The following KCNIP3 variants were observed in gnomAD, a reference collection of about 807,000 sequenced individuals.
KCNIP3 encodes calsenilin.
In KCNIP3, 28 loss-of-function variants were observed where a neutral mutation model predicts 35.0. The observed-to-expected ratio is 0.80, with a 90% CI of 0.59 to 1.10. The LOEUF (loss-of-function observed/expected upper bound fraction) is 1.10. Among genes scored for constraint, KCNIP3 ranks in the 50% least tolerant of loss-of-function variants. The pLI is 0.00. For missense variants in KCNIP3, 295 were observed against 338.4 expected (o/e 0.87, Z 1.01); for synonymous variants, 134 against 133.8 (o/e 1.00, Z -0.01).
chr2:95,303,433 G>A (rs1678088146), intron 1 of KCNIP3: 1 of 152,332 alleles, frequency 6.6e-6, no homozygotes, highest in South Asian at 2.1e-4. Context: ...GAAGGCATGG[G>A]GGACAGCCCT....
intron 1 of KCNIP3, among the ~76,000 whole-genome samples, chr2:95,305,387 C>T (rs1442373811): frequency 6.6e-6 from 1 of 152,178 alleles, no homozygotes; most frequent in Non-Finnish European, 1.5e-5. Flanking sequence ...AAAGAGGGCC[C>T]ATGTACACTT....
At chr2:95,330,627 G>A (rs901075350) in intron 2 of KCNIP3, among the ~76,000 whole-genome samples, 8 of 152,232 alleles carry the variant, frequency 5.3e-5, no homozygotes, top group African/African-American at 1.9e-4. Flanking sequence ...CAGGCACACA[G>A]TCACTAGAAC....
At chr2:95,369,884 G>T (rs956328405) in intron 2 of KCNIP3, among the ~76,000 whole-genome samples, 1 of 152,144 alleles carries the variant, frequency 6.6e-6, no homozygotes, top group African/African-American at 2.4e-5. Flanking sequence ...TCAGCCTCTG[G>T]TGCTGGGATT....
chr2:95,299,465 C>T (rs530780328), intron 1 of KCNIP3, among the ~76,000 whole-genome samples: 28 of 152,314 alleles, frequency 1.8e-4, no homozygotes, highest in African/African-American at 5.8e-4. Flanking sequence ...CTGCCCGGCT[C>T]CCTAGCCTAC....
At chr2:95,341,971 T>C (rs1440787511) in intron 2 of KCNIP3, among the ~76,000 whole-genome samples, 1 of 152,036 alleles carries the variant, frequency 6.6e-6, no homozygotes, top group Non-Finnish European at 1.5e-5. Context: ...AGACTGATGA[T>C]GGAGGAGATC....
chr2:95,324,828 T>G (rs1338967343), intron 2 of KCNIP3, among the ~76,000 whole-genome samples: 1 of 151,848 alleles, frequency 6.6e-6, no homozygotes, highest in African/African-American at 2.4e-5. Context: ...GAAGAATGGC[T>G]TGAACCTGGG....
At position 95,316,097 on chromosome 2, in the gene KCNIP3, T is replaced by C. The variant is rs772341362; in HGVS notation, c.181+5577T>C. 1.6e-4 allele frequency among the ~76,000 whole-genome samples: 24 copies of C among 152,266 alleles called. 1 individual carries two copies. The highest frequency in any genetic ancestry group is 3.1e-4 in the Non-Finnish European group (21 of 68,052). On this transcript the variant is annotated intron_variant, in intron 2 of 8. Transcript: ENST00000295225. ...AGCTGAATGCCAACAGGAGAGATTT[T>C]TGGCATTGCTCAAAACCCAAGAGAC...
Position 95,384,268 on chromosome 2 carries a change from C to A in KCNIP3, c.*219C>A. 1 of 566,632 alleles carries A rather than the reference C, an allele frequency of 1.8e-6. No homozygotes were observed. Among genetic ancestry groups the A allele is most frequent in the East Asian group, 2.9e-5 (1 of 34,234 alleles). The allele number at this position is 566,632 out of a possible 1,614,324, so 35.1% of individuals were successfully genotyped here. On this transcript the variant is annotated 3_prime_UTR_variant, in exon 9 of 9. Transcript: ENST00000295225. ...GGGAGGGGCTGAGTCTGGCTAGGGG[C>A]CGAGTCCAGGAGCCCCAGCCAGCCC...
chr2:95,383,152 T>G, intron 7 of KCNIP3, 80 bp from the exon 8 acceptor site: 1 of 502,526 alleles, frequency 2.0e-6, no homozygotes, highest in Non-Finnish European at 3.8e-6. Flanking sequence ...CACCCACCCA[T>G]GACTTCTGCG....
chr2:95,311,915 A>G (rs1225066519), intron 2 of KCNIP3: 1 of 152,224 alleles, frequency 6.6e-6, no homozygotes, highest in Non-Finnish European at 1.5e-5. Flanking sequence ...TGATGAGGTC[A>G]CTAAAAGCAC....
chr2:95,356,368 C>G lies in KCNIP3; in HGVS notation c.182-17928C>G, dbSNP rs2104280055. Among the ~76,000 whole-genome samples the G allele has an allele frequency of 2.6e-5, 4 of 152,288 alleles. No homozygotes were observed. The South Asian group carries it at 8.3e-4, about 32-fold the overall frequency. On this transcript the variant is annotated intron_variant, in intron 2 of 8. Transcript: ENST00000295225. Reference sequence around the variant, plus strand: ...TTTAGTTTACTTAGATCCCATTTGTCTATTTTAACTTTTGTTGCTATTGCT... The same window carrying G: ...TTTAGTTTACTTAGATCCCATTTGTGTATTTTAACTTTTGTTGCTATTGCT...
intron 2 of KCNIP3, among the ~76,000 whole-genome samples, chr2:95,344,671 C>T (rs778538848): frequency 7.9e-5 from 12 of 152,210 alleles, no homozygotes; most frequent in Non-Finnish European, 1.2e-4. Flanking sequence ...TTTGCATGCT[C>T]AGTTCTCTGT....
chr2:95,303,124 T>A (rs1012580510), intron 1 of KCNIP3: 6 of 152,208 alleles, frequency 3.9e-5, no homozygotes, highest in Admixed American at 3.9e-4. Context: ...GAGACTGAAC[T>A]AGCGGCTCGA....
chr2:95,320,176 C>A (rs962188260), intron 2 of KCNIP3, among the ~76,000 whole-genome samples: 1 of 152,188 alleles, frequency 6.6e-6, no homozygotes, highest in Non-Finnish European at 1.5e-5. Flanking sequence ...GAAAACACCA[C>A]TGCCTGCTGC....
intron 2 of KCNIP3, among the ~76,000 whole-genome samples, chr2:95,327,013 A>G (rs1678812200): frequency 6.6e-6 from 1 of 152,178 alleles, no homozygotes; most frequent in Non-Finnish European, 1.5e-5. Context: ...AGTGCTCGGC[A>G]CGTGCCGGCT....
chr2:95,360,985 G>T (rs1003020279), intron 2 of KCNIP3, among the ~76,000 whole-genome samples: 4 of 152,194 alleles, frequency 2.6e-5, no homozygotes, highest in African/African-American at 7.2e-5. Context: ...CCCAGGACTA[G>T]CCCCTGGAGA....
At chr2:95,383,885 A>G in intron 8 of KCNIP3, 117 bp from the exon 9 acceptor site, 1 of 886,604 alleles carries the variant, frequency 1.1e-6, no homozygotes, top group Non-Finnish European at 1.9e-6. Context: ...TGCACCCAAT[A>G]AGACAGACAG....
chr2:95,347,252 C>T (rs1458401512), intron 2 of KCNIP3: 3 of 753,794 alleles, frequency 4.0e-6, no homozygotes, highest in East Asian at 2.8e-5. Context: ...CCCCTCCCGG[C>T]TCCGGAGGGT....
chr2:95,306,550 G>A (rs1678170345), intron 1 of KCNIP3, among the ~76,000 whole-genome samples: 1 of 152,196 alleles, frequency 6.6e-6, no homozygotes, highest in Non-Finnish European at 1.5e-5. Flanking sequence ...GGCCTAGGTA[G>A]TCAGGCAGGG....
Sources: gnomAD v4.1 joint callset for allele counts (sites outside exome capture counted in the v4.1 genomes callset) on GRCh38, gnomAD v4.1.1 for gene constraint, MANE v1.5 for transcripts, NCBI Gene and HGNC (gene_info 2026-07-23, HGNC 2026-07-21) for gene names.